The following ZNF331 variants were observed in gnomAD, a reference collection of about 807,000 sequenced individuals.
ZNF331 encodes C2H2-like zinc finger protein rearranged in thyroid adenomas.
In ZNF331, 2 loss-of-function variants were observed where a neutral mutation model predicts 7.0. The ratio of observed to expected loss-of-function variants is 0.29; its 90% CI spans 0.12 to 0.90. The LOEUF is 0.90. Among genes scored for constraint, ZNF331 ranks in the 40% least tolerant of loss-of-function variants. The pLI is 0.58. For synonymous variants in ZNF331, 196 were observed against 205.4 expected, an observed-to-expected ratio of 0.95 and a Z score of 0.39; for missense variants, 432 against 587.7, an observed-to-expected ratio of 0.74 and a Z score of 2.74.
intron 3 of ZNF331, among the ~76,000 whole-genome samples, chr19:53,559,222 A>G (rs542442603): frequency 5.1e-4 from 77 of 150,390 alleles, no homozygotes; most frequent in Admixed American, 4.6e-3. Flanking sequence ...ATAGAGACAC[A>G]TATATACACA....
upstream of ZNF331, among the ~76,000 whole-genome samples, chr19:53,535,288 G>A (rs963550422): frequency 4.6e-5 from 7 of 151,940 alleles, no homozygotes; most frequent in Non-Finnish European, 7.4e-5. Flanking sequence ...ATGGGGTTTC[G>A]CCATGTTGGC....
At chr19:53,538,792 G>C (rs914679190) in intron 1 of ZNF331, 1 of 152,728 alleles carries the variant, frequency 6.5e-6, no homozygotes, top group Non-Finnish European at 1.5e-5. Flanking sequence ...TGATGCAGGT[G>C]TGTGTGACAG....
chr19:53,514,677 G>A (rs144268743), upstream of ZNF331, among the ~76,000 whole-genome samples: 41,163 of 133,002 alleles, frequency 0.31, 7,180 homozygotes, highest in Middle Eastern at 0.41. Context: ...TTGAGACAGA[G>A]TTTCACACTG....
rs147106792 is a variant in ZNF331 at position 53,579,268 on chromosome 19, C to T, written c.*1316C>T. On this transcript the variant is annotated 3_prime_UTR_variant, in exon 6 of 6. Coordinates refer to ENST00000449416, the MANE Select transcript of ZNF331 (RefSeq NM_001079906.2). ...TACCAGTACCATTCTGTCTTTACTC[C>T]GTGGCATCTGTGGAATAACCCTGCT... The T allele has an allele frequency of 1.7e-3, 366 of 216,466 alleles. 9 individuals are homozygous for T. In the East Asian group the frequency reaches 0.024, roughly 14 times the overall value. 13.4% of individuals were successfully genotyped at this position (216,466 alleles called of 1,614,324 possible).
intron 2 of ZNF331, among the ~76,000 whole-genome samples, chr19:53,547,069 A>G (rs2099349): frequency 0.43 from 66,110 of 152,024 alleles, 15,386 homozygotes; most frequent in South Asian, 0.54. Context: ...CTCACTGATA[A>G]TCATATTTGC....
At chr19:53,529,424 T>A (rs2087445088) in intron 2 of ZNF331, among the ~76,000 whole-genome samples, 1 of 151,756 alleles carries the variant, frequency 6.6e-6, no homozygotes, top group Non-Finnish European at 1.5e-5. Context: ...AAAATTATTC[T>A]CTGGAGAAGT....
At chr19:53,532,059 G>A (rs2087563564) in intron 2 of ZNF331, among the ~76,000 whole-genome samples, 1 of 152,050 alleles carries the variant, frequency 6.6e-6, no homozygotes, top group Admixed American at 6.5e-5. Flanking sequence ...GCATTATGGA[G>A]TGATGAAACC....
rs1382971519 is a variant in ZNF331, at chr19:53,571,582, C to G, written c.10-22C>G. 1 of 1,611,194 alleles carries G rather than the reference C, an allele frequency of 6.2e-7. No individual in the cohort carries two copies. Among genetic ancestry groups the G allele is most frequent in the Non-Finnish European group, 8.5e-7 (1 of 1,178,756 alleles). On this transcript the variant is annotated intron_variant, in intron 4 of 5. Coordinates refer to ENST00000449416, the MANE Select transcript of ZNF331 (RefSeq NM_001079906.2). This position sits in a 1 kb window ranked among gnomAD's most constrained non-coding sequence, Gnocchi z 4.7. ...AGCTGTTTCCTTTCATTTCATCATG[C>G]ACGTGTGGGTTTCTGTTTCAGGGTT...
chr19:53,563,383 G>A (rs2089994321), intron 3 of ZNF331, among the ~76,000 whole-genome samples: 1 of 152,126 alleles, frequency 6.6e-6, no homozygotes, highest in Non-Finnish European at 1.5e-5. Context: ...ACCGCACCCA[G>A]CCAAGCTGGA....
At position 53,571,101 on chromosome 19, in the gene ZNF331, C is replaced by T. The variant is rs1457319239; in HGVS notation, c.10-503C>T. On this transcript the variant is annotated intron_variant, in intron 4 of 5. Coordinates refer to ENST00000449416, the MANE Select transcript of ZNF331 (RefSeq NM_001079906.2). The surrounding 1 kb of genome is among the most constrained non-coding windows in gnomAD (Gnocchi z 4.7). ...GTCTCGATCTCCTGACCTCGTGATC[C>T]GCCTGCCTTGTTCTCGTGATCCGCC... is the stretch of plus-strand genomic sequence containing the variant. Among the ~76,000 whole-genome samples, 3 of 151,570 alleles carry T rather than the reference C, an allele frequency of 2.0e-5. No homozygotes were observed. Among genetic ancestry groups the T allele is most frequent in the Admixed American group, 6.6e-5 (1 of 15,208 alleles).
intron 2 of ZNF331, among the ~76,000 whole-genome samples, chr19:53,524,091 A>G (rs900161086): frequency 1.3e-5 from 2 of 152,072 alleles, no homozygotes; most frequent in African/African-American, 4.8e-5. Flanking sequence ...AAGGGCATGA[A>G]CTCATCCTTT....
intron 3 of ZNF331, among the ~76,000 whole-genome samples, chr19:53,561,189 G>T (rs73587720): frequency 6.6e-6 from 1 of 151,996 alleles, no homozygotes; most frequent in South Asian, 2.1e-4. Flanking sequence ...CATTTGAGAG[G>T]CAGGCCTATC....
rs1296682225 is a variant in ZNF331 at position 53,555,916 on chromosome 19, T to TC, written c.-74+9dup. ...TTAAACATCTTAGGTCAGGTGAGTA[T>TC]CTTTTTTTTTTTTTTAATTAAATCA... On this transcript the variant is annotated intron_variant, in intron 3 of 5. Transcript: ENST00000449416. The TC allele has an allele frequency of 2.0e-5, 2 of 101,166 alleles. No individual in the cohort carries two copies. 6.3% of individuals were successfully genotyped at this position (101,166 alleles called of 1,614,324 possible).
At chr19:53,572,161 C>A (rs2090474113) in intron 5 of ZNF331, among the ~76,000 whole-genome samples, 1 of 152,124 alleles carries the variant, frequency 6.6e-6, no homozygotes, top group Admixed American at 6.6e-5. Context: ...TACAGTAGAT[C>A]AGACAAACAG....
intron 3 of ZNF331, among the ~76,000 whole-genome samples, chr19:53,562,279 C>T (rs1004449450): frequency 6.6e-6 from 1 of 152,018 alleles, no homozygotes; most frequent in Admixed American, 6.6e-5. Context: ...GTAACATTAG[C>T]AAGGTTATAG....
intron 2 of ZNF331, among the ~76,000 whole-genome samples, chr19:53,524,948 GT>G: frequency 6.6e-6 from 1 of 152,214 alleles, no homozygotes; most frequent in Non-Finnish European, 1.5e-5. Context: ...TATATAAGAT[GT>G]AAGGAAGGGA....
intron 3 of ZNF331, among the ~76,000 whole-genome samples, chr19:53,561,570 T>TA (rs2089890098): frequency 6.6e-6 from 1 of 152,190 alleles, no homozygotes; most frequent in Non-Finnish European, 1.5e-5. Flanking sequence ...GTTTTAAATC[T>TA]AATCTGTAGC....
At chr19:53,554,759 T>A (rs1336241534) in intron 2 of ZNF331, 1 of 152,178 alleles carries the variant, frequency 6.6e-6, no homozygotes, top group Non-Finnish European at 1.5e-5. Context: ...ACGCACTTGC[T>A]GGAGAGGGTG....
upstream of ZNF331, among the ~76,000 whole-genome samples, chr19:53,516,579 A>G (rs1320070529): frequency 6.6e-6 from 1 of 152,188 alleles, no homozygotes; most frequent in Non-Finnish European, 1.5e-5. Context: ...CAGAGAATGA[A>G]AAGATCCAGG....
Sources: gnomAD v4.1 joint callset for allele counts (sites outside exome capture counted in the v4.1 genomes callset) on GRCh38, gnomAD v4.1.1 for gene constraint, Gnocchi (gnomAD v3.1) non-coding constraint, MANE v1.5 for transcripts, NCBI Gene and HGNC (gene_info 2026-07-23, HGNC 2026-07-21) for gene names.